RXYLT1: variants seen among roughly 807,000 people sequenced by gnomAD.
RXYLT1 encodes the protein ribitol-5-phosphate xylosyltransferase 1.
In RXYLT1, 41 loss-of-function variants were observed where a neutral mutation model predicts 43.5. The ratio of observed to expected loss-of-function variants is 0.94; its 90% CI spans 0.73 to 1.22. RXYLT1 has a LOEUF of 1.22. Among genes scored for constraint, RXYLT1 ranks in the 50% most tolerant of loss-of-function variants. The probability of loss-of-function intolerance (pLI) is 0.00; values close to 1 mark genes in which losing one functional copy is unlikely to be tolerated. For missense variants in RXYLT1, 514 were observed against 532.0 expected (o/e 0.97, Z 0.33); for synonymous variants, 166 against 194.4 (o/e 0.85, Z 1.21).
chr12:63,780,261 C>G, intron 1 of RXYLT1, 132 bp downstream of exon 1: 1 of 1,369,812 alleles, frequency 7.3e-7, no homozygotes, highest in Non-Finnish European at 9.3e-7. Flanking sequence ...GCTTTGCCCC[C>G]TACAGCCTCT....
intron 3 of RXYLT1, among the ~76,000 whole-genome samples, chr12:63,793,674 G>A (rs1246976779): frequency 6.6e-6 from 1 of 152,138 alleles, no homozygotes. Flanking sequence ...CTAAATAGTA[G>A]TAGAAATGGA....
Position 63,802,211 on chromosome 12 carries a change from T to C in RXYLT1, c.549T>C (p.Tyr183=). The part of the protein sequence containing the change: ...KIFYATQWLL[Y]AQNLVQIQKL... ...TTTATGCCACCCAGTGGTTACTTTA[T>C]GCACAAAATTTAGTGCAAATTCAAA... Residue 183 remains tyrosine, a synonymous_variant, in exon 4 of 6, where the codon TAT becomes TAC. Coordinates refer to ENST00000261234, the MANE Select transcript of RXYLT1 (RefSeq NM_014254.3). 6.2e-7 allele frequency: 1 copy of C among 1,614,174 alleles called. No individual in the cohort carries two copies. Among genetic ancestry groups the C allele is most frequent in the South Asian group, 1.1e-5 (1 of 91,074 alleles).
At chr12:63,787,726 A>G (rs998968651) in intron 3 of RXYLT1, among the ~76,000 whole-genome samples, 2 of 152,092 alleles carry the variant, frequency 1.3e-5, no homozygotes, top group African/African-American at 4.8e-5. Context: ...CCCTGGGTTC[A>G]AGTGATTCTC....
At chr12:63,799,302 C>CTTTTTTTTTTTTTTTTTT (rs11312130) in intron 3 of RXYLT1, among the ~76,000 whole-genome samples, 2 of 71,622 alleles carry the variant, frequency 2.8e-5, no homozygotes, top group Admixed American at 1.7e-4. Flanking sequence ...CTTTTCTTTT[C>CTTTTTTTTTTTTTTTTTT]TTTTTTTTTT....
At chr12:63,807,119 G>C in intron 5 of RXYLT1, 1 of 152,272 alleles carries the variant, frequency 6.6e-6, no homozygotes, top group Non-Finnish European at 1.5e-5. Flanking sequence ...CTCATTCCGT[G>C]TAATAATCTG....
In RXYLT1 at chr12:63,785,052, C is replaced by A. The variant is rs765908445; in HGVS notation, c.408C>A (p.Ile136=). Residue 136 remains isoleucine (I), a synonymous_variant, in exon 3 of 6, where the codon ATC becomes ATA. Transcript: ENST00000261234. ...VTAQWREGKS[I]VGRTQYSFIT... Reference sequence around the variant, plus strand: ...CTCAATGGAGAGAAGGAAAGTCAATCGTAGGAAGAACACAGTACAGGTATT... The same window carrying A: ...CTCAATGGAGAGAAGGAAAGTCAATAGTAGGAAGAACACAGTACAGGTATT... The A allele has an allele frequency of 6.2e-7, 1 of 1,613,512 alleles. No individual in the cohort carries two copies. The highest frequency in any genetic ancestry group is 1.7e-5 in the Admixed American group (1 of 60,010).
At position 63,809,234 on chromosome 12, in the gene RXYLT1, T is replaced by TC; in HGVS notation, c.*143dup. 3.1e-6 allele frequency: 2 copies of TC among 637,344 alleles called. No homozygotes were observed. The highest frequency in any genetic ancestry group is 4.2e-5 in the South Asian group (2 of 47,230). The allele number at this position is 637,344 out of a possible 1,614,324, so 39.5% of individuals were successfully genotyped here. A position where few individuals can be genotyped will look rare whatever the true frequency, so the allele number is the denominator to read the frequency against. On this transcript the variant is annotated 3_prime_UTR_variant, in exon 6 of 6. Transcript: ENST00000261234. Reference sequence around the variant, plus strand: ...ATTATGTATGCCACATAATGACATTTCAGTCAGTGGTAGACTACATATATG... The same window carrying TC: ...ATTATGTATGCCACATAATGACATTTCCAGTCAGTGGTAGACTACATATATG...
chr12:63,790,042 G>A (rs1043218616), intron 3 of RXYLT1, among the ~76,000 whole-genome samples: 1 of 152,206 alleles, frequency 6.6e-6, no homozygotes, highest in African/African-American at 2.4e-5. Context: ...TAAGACAGAA[G>A]TAGAAAGGAT....
intron 5 of RXYLT1, chr12:63,807,062 C>T (rs1047649195): frequency 3.3e-5 from 5 of 152,344 alleles, no homozygotes; most frequent in African/African-American, 1.2e-4. Flanking sequence ...AACATGATCT[C>T]AAGTCCCAGC....
At chr12:63,805,638 C>A (rs1327571621) in intron 5 of RXYLT1, 1 of 367,318 alleles carries the variant, frequency 2.7e-6, no homozygotes, top group Non-Finnish European at 4.8e-6. Context: ...CTGTCATTTG[C>A]AAATTTCAGT....
chr12:63,784,539 T>C (rs1897757971), intron 2 of RXYLT1, among the ~76,000 whole-genome samples: 1 of 152,202 alleles, frequency 6.6e-6, no homozygotes, highest in African/African-American at 2.4e-5. Flanking sequence ...TATTAATATA[T>C]GTACATACAT....
chr12:63,803,332 C>T (rs1475475013), intron 4 of RXYLT1, among the ~76,000 whole-genome samples: 1 of 151,722 alleles, frequency 6.6e-6, no homozygotes, highest in Non-Finnish European at 1.5e-5. Flanking sequence ...TATAAACCTC[C>T]TGAGAGCAGG....
At chr12:63,796,317 G>C (rs543600866) in intron 3 of RXYLT1, among the ~76,000 whole-genome samples, 1 of 152,156 alleles carries the variant, frequency 6.6e-6, no homozygotes, top group African/African-American at 2.4e-5. Flanking sequence ...ATTTGTTCCC[G>C]TTACTGATTA....
intron 3 of RXYLT1, among the ~76,000 whole-genome samples, chr12:63,789,349 G>T (rs1012673039): frequency 2.0e-5 from 3 of 152,188 alleles, no homozygotes; most frequent in Non-Finnish European, 4.4e-5. Context: ...ATCAGATCTT[G>T]TGAGACTTAT....
rs921924411 is a variant in RXYLT1 at position 63,780,273 on chromosome 12, G to A, written c.169+144G>A. The A allele has an allele frequency of 6.7e-5, 91 of 1,362,036 alleles. No individual in the cohort carries two copies. The Middle Eastern group carries it at 1.1e-3, about 16-fold the overall frequency. 84.4% of individuals were successfully genotyped at this position (1,362,036 alleles called of 1,614,324 possible). A position where few individuals can be genotyped will look rare whatever the true frequency, so the allele number is the denominator to read the frequency against. On this transcript the variant is annotated intron_variant, in intron 1 of 5. Transcript: ENST00000261234. ...AGCGCTTTGCCCCCTACAGCCTCTC[G>A]AGCCAGCCCTTGGCTCGGAATTGGA...
At position 63,808,888 on chromosome 12, in the gene RXYLT1, C is replaced by G. The variant is rs1344980851; in HGVS notation, c.1128C>G (p.Leu376=). ...SVHHGAPLQL[L]KSMGAPFIFI... ...ACCACGGTGCTCCTCTGCAGTTACT[C>G]AAGTCCATGGGTGCTCCCTTTATCT... The change falls in exon 6 of 6, where the codon CTC becomes CTG. Residue 376 remains leucine, a synonymous_variant. Coordinates refer to ENST00000261234, the MANE Select transcript of RXYLT1 (RefSeq NM_014254.3). The G allele has an allele frequency of 6.2e-7, 1 of 1,614,158 alleles. No individual in the cohort carries two copies. Among genetic ancestry groups the G allele is most frequent in the Non-Finnish European group, 8.5e-7 (1 of 1,180,040 alleles).
At chr12:63,802,892 G>A (rs1452808429) in intron 4 of RXYLT1, among the ~76,000 whole-genome samples, 1 of 151,878 alleles carries the variant, frequency 6.6e-6, no homozygotes, top group Non-Finnish European at 1.5e-5. Flanking sequence ...TTTTAGGCCA[G>A]GCGCAGTGGC....
Position 63,808,324 on chromosome 12 carries a change from C to G in RXYLT1, c.915-351C>G, listed in dbSNP as rs1659087040. The G allele has an allele frequency of 1.9e-5, 5 of 267,776 alleles. No homozygotes were observed. The South Asian group carries it at 2.4e-4, about 13-fold the overall frequency. 16.6% of individuals were successfully genotyped at this position (267,776 alleles called of 1,614,324 possible). ...CCCCATCTAAATAATTTACTGACTTCACTTGGTCACTATCCATCTCCACCA... is the reference window on the plus strand; with the variant it reads ...CCCCATCTAAATAATTTACTGACTTGACTTGGTCACTATCCATCTCCACCA... On this transcript the variant is annotated intron_variant, in intron 5 of 5. Coordinates refer to ENST00000261234, the MANE Select transcript of RXYLT1 (RefSeq NM_014254.3).
chr12:63,793,482 G>A (rs958130001), intron 3 of RXYLT1, among the ~76,000 whole-genome samples: 6 of 152,108 alleles, frequency 3.9e-5, no homozygotes, highest in Non-Finnish European at 7.4e-5. Flanking sequence ...AAAGAGTGAA[G>A]TGCTGCAATA....
Sources: gnomAD v4.1 joint callset for allele counts (sites outside exome capture counted in the v4.1 genomes callset) on GRCh38, gnomAD v4.1.1 for gene constraint, MANE v1.5 for transcripts, NCBI Gene and HGNC (gene_info 2026-07-23, HGNC 2026-07-21) for gene names.